The following CIMIP6 variants were observed in gnomAD, a reference collection of about 807,000 sequenced individuals.
CIMIP6 encodes uncharacterized protein C2orf73.
the CIMIP6 span, among the ~76,000 whole-genome samples, chr2:54,374,657 A>G: frequency 6.6e-6 from 1 of 152,256 alleles, no homozygotes; most frequent in African/African-American, 2.4e-5. Context: ...TCGGAAAGAA[A>G]AGGCTGGGAT....
At chr2:54,342,021 A>G in the CIMIP6 span, among the ~76,000 whole-genome samples, 21 of 152,310 alleles carry the variant, frequency 1.4e-4, no homozygotes, top group East Asian at 3.1e-3. Context: ...TGAAAAGTGA[A>G]GCATTAGCCA....
chr2:54,338,075 T>G, the CIMIP6 span, among the ~76,000 whole-genome samples: 4 of 152,210 alleles, frequency 2.6e-5, no homozygotes, highest in East Asian at 3.9e-4. Context: ...AGGTCAAGGC[T>G]GCAGTGAGCT....
the CIMIP6 span, chr2:54,339,964 G>A: frequency 5.4e-5 from 14 of 258,934 alleles, 4 homozygotes; most frequent in Non-Finnish European, 6.9e-5. Flanking sequence ...AGGGATACTA[G>A]GAGTATAACA....
chr2:54,351,541 C>G, the CIMIP6 span, among the ~76,000 whole-genome samples: 1 of 152,100 alleles, frequency 6.6e-6, no homozygotes, highest in Admixed American at 6.6e-5. Context: ...AACCAAATAC[C>G]ACTTGTTCTT....
the CIMIP6 span, chr2:54,360,683 T>C: frequency 5.7e-6 from 6 of 1,057,372 alleles, no homozygotes; most frequent in African/African-American, 3.3e-5. Flanking sequence ...TTTATGTAAA[T>C]GGAAAAAGAG....
chr2:54,343,820 C>A, the CIMIP6 span: 2 of 1,612,428 alleles, frequency 1.2e-6, no homozygotes, highest in South Asian at 1.1e-5. Context: ...CCATCGTGTC[C>A]ACTGGTTTTG....
At chr2:54,380,646 T>C in the CIMIP6 span, among the ~76,000 whole-genome samples, 1 of 152,162 alleles carries the variant, frequency 6.6e-6, no homozygotes, top group Non-Finnish European at 1.5e-5. Context: ...GCTGATACGC[T>C]CTCCCCTAAC....
chr2:54,331,367 T>C, the CIMIP6 span, among the ~76,000 whole-genome samples: 5 of 152,158 alleles, frequency 3.3e-5, no homozygotes, highest in African/African-American at 1.2e-4. Flanking sequence ...CTTGCCGGGA[T>C]GCTGCAACAG....
the CIMIP6 span, among the ~76,000 whole-genome samples, chr2:54,375,515 A>G: frequency 6.6e-6 from 1 of 152,192 alleles, no homozygotes; most frequent in Admixed American, 6.5e-5. Context: ...ATGTGAGAGA[A>G]TAGGTACAAC....
At chr2:54,334,820 G>T in the CIMIP6 span, 1 of 1,535,402 alleles carries the variant, frequency 6.5e-7, no homozygotes. Flanking sequence ...TTTTCAGACA[G>T]CATAAAATAG....
the CIMIP6 span, among the ~76,000 whole-genome samples, chr2:54,338,052 G>A: frequency 5.3e-5 from 8 of 152,272 alleles, no homozygotes; most frequent in Non-Finnish European, 1.0e-4. Flanking sequence ...CAGGAAGATT[G>A]CTTGCACCTG....
chr2:54,343,937 T>G, the CIMIP6 span: 1 of 1,354,370 alleles, frequency 7.4e-7, no homozygotes, highest in African/African-American at 1.5e-5. Flanking sequence ...AAAACTAAGA[T>G]GTATTAGATG....
At chr2:54,365,311 T>G in the CIMIP6 span, among the ~76,000 whole-genome samples, 1 of 151,874 alleles carries the variant, frequency 6.6e-6, no homozygotes, top group African/African-American at 2.4e-5. Context: ...AGAACCCTGT[T>G]AAAAACAAAC....
the CIMIP6 span, among the ~76,000 whole-genome samples, chr2:54,378,642 C>T: frequency 3.3e-5 from 5 of 152,058 alleles, no homozygotes; most frequent in African/African-American, 7.2e-5. Context: ...GCAGAGGTAC[C>T]GGTTCTAACA....
the CIMIP6 span, among the ~76,000 whole-genome samples, chr2:54,359,797 T>C: frequency 6.6e-6 from 1 of 152,228 alleles, no homozygotes; most frequent in Non-Finnish European, 1.5e-5. Flanking sequence ...TAGCTTTTCA[T>C]CAGCGTTAAT....
chr2:54,349,851 T>C, the CIMIP6 span, among the ~76,000 whole-genome samples: 1 of 105,832 alleles, frequency 9.4e-6, no homozygotes, highest in Non-Finnish European at 2.4e-5. Context: ...AAAGAAATCT[T>C]TTTTTTTTTT....
At chr2:54,362,326 A>G in the CIMIP6 span, among the ~76,000 whole-genome samples, 1 of 152,238 alleles carries the variant, frequency 6.6e-6, no homozygotes, top group Non-Finnish European at 1.5e-5. Flanking sequence ...ACTGGAGATA[A>G]AAGAATTAAA....
the CIMIP6 span, among the ~76,000 whole-genome samples, chr2:54,381,276 TTCTAA>T: frequency 8.5e-5 from 13 of 152,282 alleles, no homozygotes; most frequent in South Asian, 2.7e-3. Context: ...TTCATGCTGG[TTCTAA>T]TCTGAGGTTC....
At chr2:54,351,047 T>A in the CIMIP6 span, among the ~76,000 whole-genome samples, 2 of 152,216 alleles carry the variant, frequency 1.3e-5, no homozygotes, top group South Asian at 4.1e-4. Context: ...GTTTGAACAT[T>A]ATAAATTTGA....
Sources: gnomAD v4.1 joint callset for allele counts (sites outside exome capture counted in the v4.1 genomes callset) on GRCh38, gnomAD v4.1.1 for gene constraint, MANE v1.5 for transcripts, NCBI Gene and HGNC (gene_info 2026-07-23, HGNC 2026-07-21) for gene names.